KDM4C: variants seen among roughly 807,000 people sequenced by gnomAD.
KDM4C encodes lysine-specific demethylase 4C.
Under a neutral mutation model 129.3 loss-of-function variants are expected in KDM4C, and 81 were observed. The observed-to-expected ratio is 0.63, with a 90% CI of 0.52 to 0.75. The LOEUF (loss-of-function observed/expected upper bound fraction) is 0.75, where lower values mean the gene tolerates loss of function less well. KDM4C is among the 30% of genes least tolerant of loss of function. The pLI, the probability that KDM4C is intolerant of heterozygous loss-of-function variation, is 0.00. For missense variants in KDM4C, 1,457 were observed against 1,304.0 expected (o/e 1.12, Z -1.81); for synonymous variants, 573 against 456.1 (o/e 1.26, Z -3.26).
intron 19 of KDM4C, among the ~76,000 whole-genome samples, chr9:7,145,480 C>A (rs116006064): frequency 6.6e-6 from 1 of 152,108 alleles, no homozygotes; most frequent in African/African-American, 2.4e-5. Flanking sequence ...TCATTCTTAC[C>A]CCCACTCTGC....
At chr9:7,012,413 C>T (rs1822880809) in intron 13 of KDM4C, among the ~76,000 whole-genome samples, 1 of 152,084 alleles carries the variant, frequency 6.6e-6, no homozygotes, top group African/African-American at 2.4e-5. Context: ...TACTAAGAAA[C>T]ACAGAACTTA....
At chr9:6,836,916 A>T (rs1176072514) in intron 4 of KDM4C, among the ~76,000 whole-genome samples, 4 of 152,084 alleles carry the variant, frequency 2.6e-5, no homozygotes, top group African/African-American at 9.7e-5. Context: ...CATACATGGT[A>T]CCTGATGTAC....
chr9:6,854,101 G>C (rs1484817560), intron 5 of KDM4C, among the ~76,000 whole-genome samples: 1 of 151,946 alleles, frequency 6.6e-6, no homozygotes, highest in African/African-American at 2.4e-5. Flanking sequence ...TAATAGAATA[G>C]GAGTTTCAGT....
At chr9:7,016,223 G>T (rs558450768) in intron 15 of KDM4C, among the ~76,000 whole-genome samples, 8 of 151,914 alleles carry the variant, frequency 5.3e-5, no homozygotes, top group African/African-American at 1.9e-4. Context: ...CACCTTCCAG[G>T]TTCACACCAT....
At chr9:6,968,502 A>T (rs991328572) in intron 8 of KDM4C, among the ~76,000 whole-genome samples, 1 of 152,168 alleles carries the variant, frequency 6.6e-6, no homozygotes, top group Non-Finnish European at 1.5e-5. Context: ...GCTCTCTCTG[A>T]TGTTGCTGTG....
chr9:6,895,141 T>C (rs1447007246), intron 8 of KDM4C, among the ~76,000 whole-genome samples: 1 of 152,210 alleles, frequency 6.6e-6, no homozygotes, highest in Non-Finnish European at 1.5e-5. Flanking sequence ...GAGAATATAT[T>C]AGTTGTCTCT....
At chr9:7,078,255 T>C (rs1425362591) in intron 17 of KDM4C, among the ~76,000 whole-genome samples, 1 of 152,096 alleles carries the variant, frequency 6.6e-6, no homozygotes, top group Non-Finnish European at 1.5e-5. Context: ...GCTTGTAAAA[T>C]CAATGGGAAA....
chr9:6,972,757 T>C (rs1832216362), intron 8 of KDM4C, among the ~76,000 whole-genome samples: 1 of 152,250 alleles, frequency 6.6e-6, no homozygotes, highest in Non-Finnish European at 1.5e-5. Context: ...TAAACTGATT[T>C]AAATCCAGTT....
chr9:6,770,986 A>T (rs745313433), intron 1 of KDM4C, among the ~76,000 whole-genome samples: 2 of 149,754 alleles, frequency 1.3e-5, no homozygotes, highest in Non-Finnish European at 3.0e-5. Context: ...ATATTGGCCA[A>T]GCTGGTCTCA....
intron 18 of KDM4C, among the ~76,000 whole-genome samples, chr9:7,110,904 A>T (rs1045060565): frequency 9.8e-5 from 15 of 152,286 alleles, no homozygotes; most frequent in Non-Finnish European, 2.2e-4. Flanking sequence ...TTATCCCAGC[A>T]CTTGTTTAGC....
chr9:6,948,878 A>C (rs1827499444), intron 8 of KDM4C, among the ~76,000 whole-genome samples: 1 of 152,098 alleles, frequency 6.6e-6, no homozygotes, highest in Admixed American at 6.5e-5. Flanking sequence ...TCCTATGTCT[A>C]CTTCTTTCTA....
At chr9:7,132,113 A>G (rs1480896037) in intron 19 of KDM4C, among the ~76,000 whole-genome samples, 10 of 152,218 alleles carry the variant, frequency 6.6e-5, no homozygotes, top group Non-Finnish European at 1.5e-4. Context: ...GTACAGTGCA[A>G]TTTCAGTTTC....
At chr9:6,965,148 A>G (rs1413377637) in intron 8 of KDM4C, among the ~76,000 whole-genome samples, 1 of 151,978 alleles carries the variant, frequency 6.6e-6, no homozygotes, top group Non-Finnish European at 1.5e-5. Flanking sequence ...ATTTTTAATG[A>G]GAGAAAAATT....
intron 4 of KDM4C, 35 bp downstream of exon 4, chr9:6,814,780 C>A: frequency 7.6e-7 from 1 of 1,313,886 alleles, no homozygotes; most frequent in South Asian, 1.3e-5. Flanking sequence ...TTGTAAAGAT[C>A]ATTGGATGTG....
intron 12 of KDM4C, among the ~76,000 whole-genome samples, chr9:7,006,335 T>A (rs547580632): frequency 2.6e-5 from 4 of 152,116 alleles, no homozygotes; most frequent in African/African-American, 9.7e-5. Flanking sequence ...TGGGGTTGAG[T>A]CTCTTCCAGG....
chr9:6,882,772 T>TTTTG (rs895150606), intron 6 of KDM4C, among the ~76,000 whole-genome samples: 1 of 149,642 alleles, frequency 6.7e-6, no homozygotes, highest in Non-Finnish European at 1.5e-5. Context: ...TTTTAAGCAT[T>TTTTG]TGTGTGTGTG....
At chr9:6,821,857 A>C (rs532578675) in intron 4 of KDM4C, among the ~76,000 whole-genome samples, 125 of 151,976 alleles carry the variant, frequency 8.2e-4, no homozygotes, top group Admixed American at 1.7e-3. Context: ...CTGGTTTCTA[A>C]CTCCTGGCCT....
upstream of KDM4C, among the ~76,000 whole-genome samples, chr9:6,754,217 CT>C (rs1345955232): frequency 7.5e-5 from 11 of 146,046 alleles, no homozygotes; most frequent in East Asian, 4.0e-4. Context: ...TTTTCTTTTT[CT>C]TTTTTTTTTC....
intron 15 of KDM4C, among the ~76,000 whole-genome samples, chr9:7,017,348 T>A (rs1426422619): frequency 6.6e-6 from 1 of 152,204 alleles, no homozygotes; most frequent in Non-Finnish European, 1.5e-5. Flanking sequence ...GCTGTGAATT[T>A]TAGGCAGAAT....
Sources: gnomAD v4.1 joint callset for allele counts (sites outside exome capture counted in the v4.1 genomes callset) on GRCh38, gnomAD v4.1.1 for gene constraint, MANE v1.5 for transcripts, NCBI Gene and HGNC (gene_info 2026-07-23, HGNC 2026-07-21) for gene names.